Variants in ZNF799 observed in about 807,000 individuals in gnomAD.
ZNF799 encodes the protein zinc finger protein 14.
A neutral mutation model predicts 41.0 loss-of-function variants in ZNF799; 28 were observed. That is an observed-to-expected ratio of 0.68 (90% CI 0.51 to 0.94). ZNF799 has a LOEUF of 0.94. Ranked by LOEUF, ZNF799 falls within the 40% of genes least tolerant of loss-of-function variation. The probability of loss-of-function intolerance (pLI) is 0.00; values close to 1 mark genes in which losing one functional copy is unlikely to be tolerated. For synonymous variants in ZNF799, 213 were observed against 252.9 expected, an observed-to-expected ratio of 0.84 and a Z score of 1.50; for missense variants, 716 against 764.3, an observed-to-expected ratio of 0.94 and a Z score of 0.74.
chr19:12,399,801 G>T (rs942429991), intron 1 of ZNF799, among the ~76,000 whole-genome samples: 9 of 151,994 alleles, frequency 5.9e-5, no homozygotes, highest in Admixed American at 5.2e-4. Flanking sequence ...CAGCTACCAA[G>T]CCCAGCTAAT....
At chr19:12,393,872 C>A in intron 1 of ZNF799, 1 of 423,222 alleles carries the variant, frequency 2.4e-6, no homozygotes, top group Non-Finnish European at 3.3e-6. Context: ...GCCCCAGGAG[C>A]GTAACTAATA....
chr19:12,395,779 A>G (rs199821551), intron 1 of ZNF799, among the ~76,000 whole-genome samples: 1 of 152,254 alleles, frequency 6.6e-6, no homozygotes, highest in East Asian at 1.9e-4. Context: ...AGCAGAACAT[A>G]AAGCATAAGT....
chr19:12,399,609 A>G (rs1233049644), intron 1 of ZNF799, among the ~76,000 whole-genome samples: 1 of 146,732 alleles, frequency 6.8e-6, no homozygotes, highest in Non-Finnish European at 1.5e-5. Context: ...GATATTCACT[A>G]GACCCTCCAA....
chr19:12,405,249 G>C (rs1350665260), upstream of ZNF799, among the ~76,000 whole-genome samples: 1 of 151,708 alleles, frequency 6.6e-6, no homozygotes, highest in Non-Finnish European at 1.5e-5. Flanking sequence ...TATTAGTTCT[G>C]TCCCTCCAGA....
chr19:12,395,001 T>C, intron 1 of ZNF799: 2 of 408,994 alleles, frequency 4.9e-6, no homozygotes, highest in Non-Finnish European at 6.6e-6. Context: ...ATACCAGTCT[T>C]GAACACAGCA....
In ZNF799 at chr19:12,390,682, G is replaced by A. The variant is rs779934554; in HGVS notation, c.1716C>T (p.Ser572=). The A allele has an allele frequency of 6.8e-6, 11 of 1,613,304 alleles. No homozygotes were observed. In the East Asian group the frequency reaches 2.2e-4, roughly 33 times the overall value. Residue 572 remains serine, a synonymous_variant, in exon 4 of 4, where the codon TCC becomes TCT. Coordinates refer to ENST00000430385, the MANE Select transcript of ZNF799 (RefSeq NM_001080821.3). ...CQQCGKAFTH[S]RFLQGHEKTH... ...TTTTTTCATGTCCTTGAAGAAAACG[G>A]GAATGAGTGAAGGCTTTACCACATT...
In ZNF799 at chr19:12,391,084, C is replaced by A. The variant is rs1969805529; in HGVS notation, c.1314G>T (p.Arg438Ser). ...TCTCTCCAGTATGAGTTGTTTCATG[C>A]CTTCGAAGAGAACTGGAAATACGGT... is the stretch of plus-strand genomic sequence containing the variant. ...KAYRISSSLR[R>S]HETTHTGEKP... Residue 438 changes from arginine (R) to serine (S), a missense_variant, in exon 4 of 4, where the codon AGG (arginine) becomes AGT (serine). Physicochemically the swap from Arg to Ser is moderately radical, Grantham distance 110. Around this residue, in one of 2 missense-constraint regions of ZNF799, gnomAD observed 698 missense variants for 713.6 expected, o/e 0.98. Transcript: ENST00000430385. The A allele has an allele frequency of 6.2e-7, 1 of 1,614,054 alleles. No homozygotes were observed. The highest frequency in any genetic ancestry group is 8.5e-7 in the Non-Finnish European group (1 of 1,179,996).
chr19:12,397,097 A>C (rs960191647), intron 1 of ZNF799, among the ~76,000 whole-genome samples: 151 of 152,370 alleles, frequency 9.9e-4, no homozygotes, highest in African/African-American at 3.5e-3. Flanking sequence ...AGTTTATAAT[A>C]GGGCAAATGG....
chr19:12,396,486 C>A (rs61612610), intron 1 of ZNF799, among the ~76,000 whole-genome samples: 104 of 152,238 alleles, frequency 6.8e-4, no homozygotes, highest in African/African-American at 2.4e-3. Flanking sequence ...CCTATCTCTA[C>A]TAAACATACA....
At chr19:12,399,067 T>C (rs563587929) in intron 1 of ZNF799, among the ~76,000 whole-genome samples, 2 of 152,208 alleles carry the variant, frequency 1.3e-5, no homozygotes, top group Admixed American at 6.5e-5. Flanking sequence ...CAATCTCTAA[T>C]CATAGGATGT....
chr19:12,394,936 T>C (rs1969873194), intron 1 of ZNF799: 1 of 939,428 alleles, frequency 1.1e-6, no homozygotes, highest in Admixed American at 6.2e-5. Context: ...TGAAAACTGG[T>C]AGAAAAGTCT....
intron 1 of ZNF799, chr19:12,394,148 G>T (rs777261493): frequency 6.6e-6 from 1 of 152,248 alleles, no homozygotes; most frequent in South Asian, 2.1e-4. Flanking sequence ...AATCCGTAAC[G>T]GGTGAATGAA....
At position 12,390,944 on chromosome 19, in the gene ZNF799, A is replaced by G; in HGVS notation, c.1454T>C (p.Phe485Ser). Reference protein sequence around the residue: ...PYECKECGKAFSCFQYLSQHR... With the variant: ...PYECKECGKASSCFQYLSQHR... ...TTGAGAAAGGTATTGGAAACAACTG[A>G]ATGCTTTCCCACATTCCTTACACTC... Residue 485 changes from phenylalanine (F) to serine (S), a missense_variant, in exon 4 of 4, where the codon TTC becomes TCC. This residue lies in a region of ZNF799 where 698 missense variants were observed against 713.6 expected (regional missense o/e 0.98). Transcript: ENST00000430385. 4 of 1,614,096 alleles carry G rather than the reference A, an allele frequency of 2.5e-6. No homozygotes were observed. The highest frequency in any genetic ancestry group is 3.4e-6 in the Non-Finnish European group (4 of 1,179,988).
rs776796116 is a variant in ZNF799, at chr19:12,390,723, G to A, written c.1675C>T (p.Pro559Ser). 59 of 1,613,736 alleles carry A rather than the reference G, an allele frequency of 3.7e-5. No individual in the cohort carries two copies. Among genetic ancestry groups the A allele is most frequent in the Middle Eastern group, 3.3e-4 (2 of 6,056 alleles). The change falls in exon 4 of 4, where the codon CCC becomes TCC. Residue 559 changes from proline to serine, a missense_variant. Pro to Ser is a moderately conservative substitution (Grantham distance 74). Coordinates refer to ENST00000430385, the MANE Select transcript of ZNF799 (RefSeq NM_001080821.3). Reference protein sequence around the residue: ...RHERIHMREKPYECQQCGKAF... With the variant: ...RHERIHMREKSYECQQCGKAF... ...TTACCACATTGTTGACACTCATAGG[G>A]TTTCTCTCTCATGTGAATTCTTTCA...
At chr19:12,402,906 A>G (rs1369739815), upstream of ZNF799, among the ~76,000 whole-genome samples, 1 of 152,124 alleles carries the variant, frequency 6.6e-6, no homozygotes, top group African/African-American at 2.4e-5. Flanking sequence ...TTTTTCTGAC[A>G]TGTCTTTGTC....
Position 12,391,244 on chromosome 19 carries a change from G to T in ZNF799, c.1154C>A (p.Thr385Lys), listed in dbSNP as rs759253785. The change falls in exon 4 of 4, where the codon ACA (threonine) becomes AAA (lysine). Residue 385 changes from threonine (T) to lysine (K), a missense_variant. Coordinates refer to ENST00000430385, the MANE Select transcript of ZNF799 (RefSeq NM_001080821.3). ...GTGAGGTCCATCTCCAGTGTGCATT[G>T]TCATGTGTCTTCGAAAGCTTGAGCT... is the stretch of plus-strand genomic sequence containing the variant. Reference protein sequence around the residue: ...SHSSSFRRHMTMHTGDGPHKC... With the variant: ...SHSSSFRRHMKMHTGDGPHKC... The T allele has an allele frequency of 8.7e-6, 14 of 1,614,024 alleles. No homozygotes were observed. Among genetic ancestry groups the T allele is most frequent in the Non-Finnish European group, 1.2e-5 (14 of 1,179,972 alleles).
chr19:12,411,672 G>C, the ZNF799 span, among the ~76,000 whole-genome samples: 1 of 151,966 alleles, frequency 6.6e-6, no homozygotes, highest in Non-Finnish European at 1.5e-5. Flanking sequence ...GAGTGCAGTG[G>C]CTCGATCTCA....
chr19:12,391,068 T>G lies in ZNF799; in HGVS notation c.1330A>C (p.Thr444Pro). Residue 444 changes from threonine (T) to proline (P), a missense_variant, in exon 4 of 4, where the codon ACT (threonine) becomes CCT (proline). Physicochemically the swap from Thr to Pro is conservative, Grantham distance 38 (BLOSUM62 -1). Coordinates refer to ENST00000430385, the MANE Select transcript of ZNF799 (RefSeq NM_001080821.3). Reference sequence around the variant, plus strand: ...TTGCATTTATAGGGTTTCTCTCCAGTATGAGTTGTTTCATGCCTTCGAAGA... The same window carrying G: ...TTGCATTTATAGGGTTTCTCTCCAGGATGAGTTGTTTCATGCCTTCGAAGA... ...SSLRRHETTH[T>P]GEKPYKCKCG... 6.2e-7 allele frequency: 1 copy of G among 1,614,190 alleles called. No homozygotes were observed. Among genetic ancestry groups the G allele is most frequent in the Non-Finnish European group, 8.5e-7 (1 of 1,180,020 alleles).
the ZNF799 span, among the ~76,000 whole-genome samples, chr19:12,414,861 G>C: frequency 3.3e-5 from 5 of 152,200 alleles, no homozygotes; most frequent in African/African-American, 1.2e-4. Flanking sequence ...CTAGTGATGA[G>C]GCAGGGACAT....
Sources: allele counts gnomAD v4.1 joint callset (sites outside exome capture counted in the v4.1 genomes callset), GRCh38; gene constraint gnomAD v4.1.1; regional missense constraint gnomAD v4.1.1; transcripts MANE v1.5; gene names NCBI Gene and HGNC (gene_info 2026-07-23, HGNC 2026-07-21).